The following TRPC5 variants were observed in gnomAD, a reference collection of about 807,000 sequenced individuals.
TRPC5 encodes the protein short transient receptor potential channel 5.
TRPC5 carries 9 observed loss-of-function variants against 56.5 expected under a neutral mutation model. That is an observed-to-expected ratio of 0.16 (90% CI 0.10 to 0.28). The LOEUF is 0.28. TRPC5 is among the 10% of genes least tolerant of loss of function. The pLI is 1.00. For synonymous variants in TRPC5, 282 were observed against 278.5 expected, an observed-to-expected ratio of 1.01 and a Z score of -0.13; for missense variants, 469 against 748.9, an observed-to-expected ratio of 0.63 and a Z score of 4.36.
intron 10 of TRPC5, among the ~76,000 whole-genome samples, 198 bp downstream of exon 10, chrX:111,778,787 C>T (rs886896388): frequency 6.3e-5 from 7 of 111,604 alleles, no homozygotes; most frequent in Non-Finnish European, 1.3e-4. Flanking sequence ...TCATTCCTGA[C>T]ACTGATTGTG....
At chrX:112,044,622 G>A (rs1260483294) in intron 1 of TRPC5, among the ~76,000 whole-genome samples, 1 of 111,988 alleles carries the variant, frequency 8.9e-6, no homozygotes, top group Non-Finnish European at 1.9e-5. Context: ...ATGCTGTCAT[G>A]GACTCAATGA....
chrX:111,836,780 G>T (rs1040827493), intron 6 of TRPC5, among the ~76,000 whole-genome samples: 1 of 112,583 alleles, frequency 8.9e-6, no homozygotes, highest in Non-Finnish European at 1.9e-5. Flanking sequence ...TTGAAGAAAT[G>T]AATGAATATA....
At chrX:111,898,984 A>T (rs1332376690) in intron 3 of TRPC5, among the ~76,000 whole-genome samples, 1 of 110,590 alleles carries the variant, frequency 9.0e-6, no homozygotes, top group East Asian at 2.9e-4. Flanking sequence ...AGGCTAGTTA[A>T]GGTGTCCAGA....
intron 1 of TRPC5, among the ~76,000 whole-genome samples, chrX:112,021,103 G>A (rs1422733836): frequency 1.8e-5 from 2 of 110,445 alleles, no homozygotes; most frequent in East Asian, 5.7e-4. Context: ...GAAGCTTTGT[G>A]GAAAGGTCCT....
At chrX:111,870,045 T>A (rs1923696296) in intron 3 of TRPC5, among the ~76,000 whole-genome samples, 1 of 111,958 alleles carries the variant, frequency 8.9e-6, no homozygotes, top group South Asian at 3.7e-4. Flanking sequence ...TAATGACCTA[T>A]GAAAGACAGC....
intron 7 of TRPC5, among the ~76,000 whole-genome samples, chrX:111,784,005 G>T (rs1945940351): frequency 9.0e-6 from 1 of 111,513 alleles, no homozygotes; most frequent in Non-Finnish European, 1.9e-5. Context: ...CAATTGCTCT[G>T]ACCCAATTTG....
At chrX:111,948,103 A>T (rs1175670576) in intron 2 of TRPC5, among the ~76,000 whole-genome samples, 1 of 112,335 alleles carries the variant, frequency 8.9e-6, no homozygotes, top group Non-Finnish European at 1.9e-5. Context: ...ACTATTTCTA[A>T]GACATTTGCA....
chrX:111,937,394 G>C (rs1204588881), intron 2 of TRPC5, among the ~76,000 whole-genome samples: 2 of 102,237 alleles, frequency 2.0e-5, no homozygotes, highest in Non-Finnish European at 4.0e-5. Context: ...ATTGCTTTTG[G>C]TGTTTTAGAC....
intron 3 of TRPC5, among the ~76,000 whole-genome samples, chrX:111,904,375 A>G (rs1405713635): frequency 8.9e-6 from 1 of 111,966 alleles, no homozygotes. Context: ...AAAGACATGG[A>G]ATCAACCCAA....
At chrX:111,807,956 C>CTCTCTCTGTGTGTGTGTGTG (rs905386723) in intron 7 of TRPC5, among the ~76,000 whole-genome samples, 1 of 91,927 alleles carries the variant, frequency 1.1e-5, no homozygotes, top group African/African-American at 5.0e-5. Flanking sequence ...CTCTCTCTCT[C>CTCTCTCTGTGTGTGTGTGTG]TGTGTGTGTG....
At chrX:111,863,997 T>C (rs919419244) in intron 3 of TRPC5, among the ~76,000 whole-genome samples, 1 of 111,015 alleles carries the variant, frequency 9.0e-6, no homozygotes, top group Non-Finnish European at 1.9e-5. Context: ...TTTTTTATTA[T>C]TTTTTTTGAG....
chrX:111,997,083 C>T (rs1427927234), intron 1 of TRPC5, among the ~76,000 whole-genome samples: 1 of 111,757 alleles, frequency 8.9e-6, no homozygotes, highest in Non-Finnish European at 1.9e-5. Flanking sequence ...GATGCAGTTT[C>T]TTCTTAGCAT....
intron 1 of TRPC5, among the ~76,000 whole-genome samples, chrX:111,982,532 C>T (rs972138546): frequency 2.7e-5 from 3 of 111,689 alleles, no homozygotes; most frequent in East Asian, 5.6e-4. Context: ...AAGGAATCTC[C>T]TGTGTTTCAG....
chrX:111,940,563 C>T (rs1285433823), intron 2 of TRPC5, among the ~76,000 whole-genome samples: 1 of 108,523 alleles, frequency 9.2e-6, no homozygotes, highest in Non-Finnish European at 1.9e-5. Flanking sequence ...TGGTGGCAGG[C>T]CCCTGTAGTC....
chrX:111,994,415 A>G (rs1928458981), intron 1 of TRPC5, among the ~76,000 whole-genome samples: 1 of 111,496 alleles, frequency 9.0e-6, no homozygotes, highest in Non-Finnish European at 1.9e-5. Context: ...TGAAGTTTAA[A>G]GTAGTTTTTT....
intron 1 of TRPC5, among the ~76,000 whole-genome samples, chrX:111,961,591 C>G (rs890019167): frequency 8.9e-6 from 1 of 111,913 alleles, no homozygotes; most frequent in Admixed American, 9.5e-5. Context: ...TAACTAGTCT[C>G]AAGCTTGGGA....
intron 1 of TRPC5, among the ~76,000 whole-genome samples, chrX:112,008,159 T>C (rs1427010397): frequency 8.9e-6 from 1 of 112,361 alleles, no homozygotes; most frequent in Non-Finnish European, 1.9e-5. Context: ...ATTAGTGCCT[T>C]GGTGGATGAT....
intron 7 of TRPC5, among the ~76,000 whole-genome samples, chrX:111,834,546 G>A (rs1922507892): frequency 9.0e-6 from 1 of 111,729 alleles, no homozygotes; most frequent in African/African-American, 3.3e-5. Context: ...TAGGGAGATA[G>A]GGCTCTCTTG....
chrX:111,789,562 A>AAT (rs1248724482), intron 7 of TRPC5, among the ~76,000 whole-genome samples: 1 of 112,197 alleles, frequency 8.9e-6, no homozygotes, highest in Non-Finnish European at 1.9e-5. Flanking sequence ...AAAATAGACA[A>AAT]ATGGGATCTA....
Sources: gnomAD v4.1 joint callset for allele counts (sites outside exome capture counted in the v4.1 genomes callset) on GRCh38, gnomAD v4.1.1 for gene constraint, MANE v1.5 for transcripts, NCBI Gene and HGNC (gene_info 2026-07-23, HGNC 2026-07-21) for gene names.